PASK: variants seen among roughly 807,000 people sequenced by gnomAD.
PASK encodes PAS domain containing serine/threonine kinase.
A neutral mutation model predicts 121.0 loss-of-function variants in PASK; 110 were observed. That is an observed-to-expected ratio of 0.91 (90% CI 0.78 to 1.06). The LOEUF (loss-of-function observed/expected upper bound fraction) is 1.06, where lower values mean the gene tolerates loss of function less well. PASK is among the 50% of genes least tolerant of loss of function. The pLI is 0.00. For missense variants in PASK, 1,643 were observed against 1,702.3 expected, an observed-to-expected ratio of 0.97 and a Z score of 0.61; for synonymous variants, 686 against 717.8, an observed-to-expected ratio of 0.96 and a Z score of 0.71.
chr2:241,138,889 C>T, intron 4 of PASK, 95 bp from the exon 5 acceptor site: 1 of 1,202,284 alleles, frequency 8.3e-7, no homozygotes, highest in Non-Finnish European at 1.2e-6. Flanking sequence ...ACTCCAGGCA[C>T]TGCAACGTTT....
chr2:241,149,854 C>T, upstream of PASK: 1 of 1,470,092 alleles, frequency 6.8e-7, no homozygotes, highest in Admixed American at 2.5e-5. Context: ...AAGGGGAGCC[C>T]AGCTGGCGCC....
chr2:241,136,709 T>C (rs2066450842), intron 7 of PASK, among the ~76,000 whole-genome samples: 1 of 152,228 alleles, frequency 6.6e-6, no homozygotes, highest in Non-Finnish European at 1.5e-5. Flanking sequence ...GGGTGAGAAA[T>C]GAACCCCCGC....
rs770945013 is a variant in PASK at position 241,140,665 on chromosome 2, GTGC to G, written c.282_284del (p.Glu94_His95delinsAsp). On this transcript the variant is annotated inframe_deletion, in exon 3 of 18. Coordinates refer to ENST00000234040, the MANE Select transcript of PASK (RefSeq NM_015148.4). Reference sequence around the variant, plus strand: ...TGCCCCGCGGTTCGGACGGGTCCGTGTGCTCAGGGGCAGCAGGGCAGTGCAGTT... The same window carrying G: ...TGCCCCGCGGTTCGGACGGGTCCGTGTCAGGGGCAGCAGGGCAGTGCAGTT... 6.2e-7 allele frequency: 1 copy of G among 1,614,094 alleles called. No homozygotes were observed. The highest frequency in any genetic ancestry group is 1.1e-5 in the South Asian group (1 of 91,080).
chr2:241,106,338 C>G lies in PASK; in HGVS notation c.*228G>C. On this transcript the variant is annotated 3_prime_UTR_variant, in exon 18 of 18. Transcript: ENST00000234040. ...TTTAATAATATAAAACAGTTGAACA[C>G]TGGAATGTTTTTTTCTAGGTCATGA... 1 of 591,082 alleles carries G rather than the reference C, an allele frequency of 1.7e-6. No homozygotes were observed. Among genetic ancestry groups the G allele is most frequent in the South Asian group, 2.0e-5 (1 of 50,278 alleles). The allele number at this position is 591,082 out of a possible 1,614,324, so 36.6% of individuals were successfully genotyped here. A position where few individuals can be genotyped will look rare whatever the true frequency, so the allele number is the denominator to read the frequency against.
chr2:241,109,275 G>C (rs2065009302), intron 15 of PASK: 1 of 152,476 alleles, frequency 6.6e-6, no homozygotes, highest in African/African-American at 2.4e-5. Context: ...CTTTCATTTT[G>C]CACAGAAGAG....
chr2:241,146,084 C>T (rs1370050808), intron 1 of PASK, among the ~76,000 whole-genome samples: 1 of 152,106 alleles, frequency 6.6e-6, no homozygotes, highest in Non-Finnish European at 1.5e-5. Context: ...TTTAAAAGAT[C>T]AACTATTTAA....
intron 10 of PASK, among the ~76,000 whole-genome samples, chr2:241,124,810 T>C (rs928779893): frequency 1.3e-5 from 2 of 152,206 alleles, no homozygotes; most frequent in Admixed American, 1.3e-4. Context: ...ACCCTAGCTA[T>C]CAACACTACA....
At chr2:241,122,675 A>G in intron 12 of PASK, 57 bp downstream of exon 12, 1 of 1,539,748 alleles carries the variant, frequency 6.5e-7, no homozygotes, top group Non-Finnish European at 9.0e-7. Flanking sequence ...TGGGACCAAA[A>G]GTCGAGAGCC....
At chr2:241,121,777 A>T (rs569755850) in intron 12 of PASK, among the ~76,000 whole-genome samples, 1 of 152,382 alleles carries the variant, frequency 6.6e-6, no homozygotes, top group African/African-American at 2.4e-5. Flanking sequence ...TTAGTTCATC[A>T]AGAAGATGCT....
Position 241,126,849 on chromosome 2 carries a change from G to C in PASK, c.2066C>G (p.Ala689Gly). The C allele has an allele frequency of 6.2e-7, 1 of 1,612,724 alleles. No homozygotes were observed. The highest frequency in any genetic ancestry group is 8.5e-7 in the Non-Finnish European group (1 of 1,178,904). ...GCAGGACGACACAGGAGCGGTGACA[G>C]CCTGGCACTCTGTCGGAACGAGTTC... ...HAELVPTECQ[A>G]VTAPVSSCDL... The change falls in exon 10 of 18, where the codon GCT becomes GGT. Residue 689 changes from alanine to glycine, a missense_variant. Ala to Gly is a moderately conservative substitution (Grantham distance 60, BLOSUM62 0). This residue lies in a region of PASK where 1,176 missense variants were observed against 1,162.2 expected (regional missense o/e 1.01). Coordinates refer to ENST00000234040, the MANE Select transcript of PASK (RefSeq NM_015148.4).
intron 7 of PASK, 92 bp downstream of exon 7, chr2:241,136,912 G>A: frequency 8.2e-7 from 1 of 1,217,192 alleles, no homozygotes; most frequent in East Asian, 2.3e-5. Flanking sequence ...GAGCTTGCCG[G>A]GTGCGAGGCC....
intron 1 of PASK, 31 bp downstream of exon 1, chr2:241,149,383 C>T (rs2067171015): frequency 9.8e-6 from 4 of 406,112 alleles, no homozygotes; most frequent in Non-Finnish European, 8.9e-6. Context: ...TGGCGGAGCC[C>T]GGCCCGCTCT....
At chr2:241,117,920 G>A (rs573581010) in intron 12 of PASK, among the ~76,000 whole-genome samples, 1 of 152,150 alleles carries the variant, frequency 6.6e-6, no homozygotes, top group East Asian at 1.9e-4. Flanking sequence ...GAAAAAAGAA[G>A]AAACTGGACA....
At chr2:241,116,617 G>T (rs1001451496) in intron 12 of PASK, among the ~76,000 whole-genome samples, 4 of 152,230 alleles carry the variant, frequency 2.6e-5, no homozygotes, top group Non-Finnish European at 5.9e-5. Flanking sequence ...TCAGACTTTA[G>T]CAAGACTGAC....
At chr2:241,140,845 A>G in intron 2 of PASK, 92 bp from the exon 3 acceptor site, 1 of 791,352 alleles carries the variant, frequency 1.3e-6, no homozygotes, top group East Asian at 2.6e-5. Context: ...CTTGCCCTCA[A>G]CTCCTGCAAA....
At chr2:241,114,664 T>C in intron 14 of PASK, 1 of 1,173,300 alleles carries the variant, frequency 8.5e-7, no homozygotes, top group East Asian at 4.1e-5. Flanking sequence ...CACCATTTAG[T>C]GGGCACTTAC....
intron 15 of PASK, among the ~76,000 whole-genome samples, chr2:241,111,841 T>C (rs957826997): frequency 5.3e-5 from 8 of 152,250 alleles, no homozygotes; most frequent in Admixed American, 2.0e-4. Context: ...TCTCTAGTGC[T>C]TGATTTCTTG....
At chr2:241,149,007 G>A (rs2067128696) in intron 1 of PASK, among the ~76,000 whole-genome samples, 1 of 152,040 alleles carries the variant, frequency 6.6e-6, no homozygotes, top group Non-Finnish European at 1.5e-5. Flanking sequence ...AGCCCGCAGG[G>A]ACCCACACGC....
At chr2:241,136,980 G>A in intron 7 of PASK, 24 bp downstream of exon 7, 1 of 1,609,362 alleles carries the variant, frequency 6.2e-7, no homozygotes, top group Non-Finnish European at 8.5e-7. Flanking sequence ...GGGAACGGGA[G>A]CCAGGCGCCC....
Sources: allele counts gnomAD v4.1 joint callset (sites outside exome capture counted in the v4.1 genomes callset), GRCh38; gene constraint gnomAD v4.1.1; regional missense constraint gnomAD v4.1.1; transcripts MANE v1.5; gene names NCBI Gene and HGNC (gene_info 2026-07-23, HGNC 2026-07-21).